The following TMTC2 variants were observed in gnomAD, a reference collection of about 807,000 sequenced individuals.
The protein encoded by TMTC2 is transmembrane O-mannosyltransferase targeting cadherins 2, also known as protein O-mannosyl-transferase TMTC2.
In TMTC2, 43 loss-of-function variants were observed where a neutral mutation model predicts 82.4. The ratio of observed to expected loss-of-function variants is 0.52; its 90% CI spans 0.41 to 0.67. The LOEUF (loss-of-function observed/expected upper bound fraction) is 0.67. Among genes scored for constraint, TMTC2 ranks in the 30% least tolerant of loss-of-function variants. The probability of loss-of-function intolerance (pLI) is 0.00; values close to 1 mark genes in which losing one functional copy is unlikely to be tolerated. For synonymous variants in TMTC2, 408 were observed against 381.9 expected (o/e 1.07, Z -0.80); for missense variants, 919 against 1,012.4 (o/e 0.91, Z 1.25).
chr12:82,821,126 T>C (rs1369161694), intron 1 of TMTC2, among the ~76,000 whole-genome samples: 1 of 152,180 alleles, frequency 6.6e-6, no homozygotes, highest in Non-Finnish European at 1.5e-5. Context: ...CACAAAATGC[T>C]AGGATTATAG....
intron 2 of TMTC2, among the ~76,000 whole-genome samples, chr12:82,884,431 C>T (rs1343665886): frequency 6.6e-6 from 1 of 152,142 alleles, no homozygotes; most frequent in Non-Finnish European, 1.5e-5. Flanking sequence ...AATTTTACTT[C>T]GTTGTGTATT....
intron 1 of TMTC2, among the ~76,000 whole-genome samples, chr12:82,718,990 A>C (rs1384806735): frequency 6.7e-6 from 1 of 148,342 alleles, no homozygotes; most frequent in Non-Finnish European, 1.5e-5. Flanking sequence ...TTTCCCTTTT[A>C]ACATATATAT....
At chr12:82,975,804 C>A (rs770493050) in intron 7 of TMTC2, among the ~76,000 whole-genome samples, 5 of 151,994 alleles carry the variant, frequency 3.3e-5, no homozygotes, top group Non-Finnish European at 5.9e-5. Context: ...CTATACAACT[C>A]CTGTTTCTCT....
At chr12:83,071,547 T>C (rs932602981) in intron 11 of TMTC2, among the ~76,000 whole-genome samples, 1 of 152,182 alleles carries the variant, frequency 6.6e-6, no homozygotes, top group African/African-American at 2.4e-5. Context: ...TTTACCTGAC[T>C]TGTAGAATAG....
chr12:82,721,101 G>C (rs1314869452), intron 1 of TMTC2, among the ~76,000 whole-genome samples: 2 of 152,180 alleles, frequency 1.3e-5, no homozygotes, highest in Non-Finnish European at 2.9e-5. Flanking sequence ...TTAACGACAG[G>C]TTTTGTAAAT....
chr12:83,033,292 G>T (rs1881515880), intron 9 of TMTC2, among the ~76,000 whole-genome samples: 1 of 152,116 alleles, frequency 6.6e-6, no homozygotes, highest in Non-Finnish European at 1.5e-5. Context: ...CTATTTCAAA[G>T]GATTGAATTT....
chr12:82,900,769 G>C (rs1348288872), intron 3 of TMTC2, among the ~76,000 whole-genome samples: 1 of 124,724 alleles, frequency 8.0e-6, no homozygotes, highest in Non-Finnish European at 1.6e-5. Flanking sequence ...TATATATAGA[G>C]AGGTATATAT....
chr12:82,940,418 T>A (rs929032566), intron 4 of TMTC2, among the ~76,000 whole-genome samples: 1 of 152,118 alleles, frequency 6.6e-6, no homozygotes, highest in Non-Finnish European at 1.5e-5. Context: ...TTATTCTTAG[T>A]TTTTTAGAAA....
At chr12:82,847,356 A>C in intron 1 of TMTC2, among the ~76,000 whole-genome samples, 1 of 152,176 alleles carries the variant, frequency 6.6e-6, no homozygotes, top group East Asian at 1.9e-4. Context: ...AAAACAATCT[A>C]GAATTTTCCA....
At position 82,977,397 on chromosome 12, in the gene TMTC2, C is replaced by G. The variant is rs117391007; in HGVS notation, c.1949-8528C>G. 5.9e-3 allele frequency among the ~76,000 whole-genome samples: 890 copies of G among 151,324 alleles called. 6 individuals carry two copies. Among genetic ancestry groups the G allele is most frequent in the Non-Finnish European group, 9.2e-3 (625 of 67,660 alleles). On this transcript the variant is annotated intron_variant, in intron 7 of 11. Coordinates refer to ENST00000321196, the MANE Select transcript of TMTC2 (RefSeq NM_152588.3). ...ATATTGTACCCATGAGAAAAGAAAA[C>G]CAGACCAATAGGACAAAGTGGAGAC...
chr12:83,099,980 C>T (rs1051317701), intron 11 of TMTC2, among the ~76,000 whole-genome samples: 3 of 151,546 alleles, frequency 2.0e-5, no homozygotes, highest in Admixed American at 6.6e-5. Context: ...AGTACAGTCG[C>T]GCAATCTCGG....
At chr12:83,058,877 A>G (rs1434564169) in intron 10 of TMTC2, among the ~76,000 whole-genome samples, 1 of 151,864 alleles carries the variant, frequency 6.6e-6, no homozygotes, top group Non-Finnish European at 1.5e-5. Flanking sequence ...AGCTTTTAAA[A>G]ATGAGATATT....
chr12:83,060,040 G>A (rs1882684390), intron 10 of TMTC2, among the ~76,000 whole-genome samples: 1 of 151,514 alleles, frequency 6.6e-6, no homozygotes, highest in Non-Finnish European at 1.5e-5. Flanking sequence ...ATTTGGTGGA[G>A]GGAACCTTTA....
chr12:82,916,152 T>C (rs1276764161), intron 3 of TMTC2, among the ~76,000 whole-genome samples: 1 of 152,238 alleles, frequency 6.6e-6, no homozygotes, highest in Non-Finnish European at 1.5e-5. Flanking sequence ...ATTGGTATAG[T>C]TGTTACATAA....
At chr12:82,822,643 C>A (rs1049001097) in intron 1 of TMTC2, among the ~76,000 whole-genome samples, 6 of 152,254 alleles carry the variant, frequency 3.9e-5, no homozygotes, top group African/African-American at 1.2e-4. Flanking sequence ...CCTGTGAAAC[C>A]AAGTAAAATA....
At chr12:83,051,364 ATTC>A (rs1418942976) in intron 10 of TMTC2, among the ~76,000 whole-genome samples, 1 of 151,710 alleles carries the variant, frequency 6.6e-6, no homozygotes, top group East Asian at 2.0e-4. Flanking sequence ...CCCCAAGACA[ATTC>A]TTCTTCCAAT....
At chr12:82,948,090 AG>A (rs1405796686) in intron 4 of TMTC2, among the ~76,000 whole-genome samples, 1 of 152,200 alleles carries the variant, frequency 6.6e-6, no homozygotes, top group Non-Finnish European at 1.5e-5. Flanking sequence ...TTACAGGCCA[AG>A]CTCAGTGGCT....
intron 10 of TMTC2, among the ~76,000 whole-genome samples, chr12:83,055,645 A>T (rs1882510608): frequency 6.6e-6 from 1 of 151,984 alleles, no homozygotes; most frequent in African/African-American, 2.4e-5. Flanking sequence ...GAGAGGAAAT[A>T]TAGAGGGACT....
chr12:83,100,944 T>C (rs1884196755), intron 11 of TMTC2, among the ~76,000 whole-genome samples: 1 of 152,334 alleles, frequency 6.6e-6, no homozygotes, highest in African/African-American at 2.4e-5. Flanking sequence ...TTATTTATTA[T>C]TGGGTTGTGT....
Sources: allele counts gnomAD v4.1 joint callset (sites outside exome capture counted in the v4.1 genomes callset), GRCh38; gene constraint gnomAD v4.1.1; transcripts MANE v1.5; gene names NCBI Gene and HGNC (gene_info 2026-07-23, HGNC 2026-07-21).